RNF170: variants seen among roughly 807,000 people sequenced by gnomAD.
RNF170 encodes E3 ubiquitin-protein ligase RNF170.
In RNF170, 12 loss-of-function variants were observed where a neutral mutation model predicts 32.7. The observed-to-expected ratio is 0.37, with a 90% CI of 0.24 to 0.60. RNF170 has a LOEUF of 0.60. Among genes scored for constraint, RNF170 ranks in the 20% least tolerant of loss-of-function variants. The probability of loss-of-function intolerance (pLI) is 0.72; values close to 1 mark genes in which losing one functional copy is unlikely to be tolerated. For synonymous variants in RNF170, 91 were observed against 103.6 expected (o/e 0.88, Z 0.74); for missense variants, 212 against 311.2 (o/e 0.68, Z 2.40).
At chr8:42,850,133 G>C (rs547756204), downstream of RNF170, 32 of 155,292 alleles carry the variant, frequency 2.1e-4, no homozygotes, top group Non-Finnish European at 3.7e-4. Flanking sequence ...CTGAGGCTGG[G>C]CGTCTTCAGC....
At chr8:42,897,126 G>A (rs562561846), upstream of RNF170, 35 of 1,246,006 alleles carry the variant, frequency 2.8e-5, no homozygotes, top group South Asian at 1.3e-3. Flanking sequence ...GGCCGCGGCG[G>A]GGAAGATGTT....
intron 2 of RNF170, among the ~76,000 whole-genome samples, chr8:42,876,809 G>A (rs763466877): frequency 3.3e-5 from 5 of 151,614 alleles, no homozygotes; most frequent in African/African-American, 4.8e-5. Flanking sequence ...ATAGCTGCAC[G>A]CCACCACACC....
intron 5 of RNF170, among the ~76,000 whole-genome samples, chr8:42,862,468 G>A (rs1347371848): frequency 6.6e-6 from 1 of 152,132 alleles, no homozygotes; most frequent in African/African-American, 2.4e-5. Flanking sequence ...GACCATACTG[G>A]GGTAATCTGA....
chr8:42,861,861 T>A lies in RNF170; in HGVS notation c.397-6A>T. The A allele has an allele frequency of 2.5e-6, 4 of 1,603,024 alleles. No homozygotes were observed. Among genetic ancestry groups the A allele is most frequent in the Non-Finnish European group, 2.6e-6 (3 of 1,176,226 alleles). ...ACTGTTAGGAGTAAGGTTACCTGTATATTACAGAAAAAAAAATTATTTCAA... is the reference window on the plus strand; with the variant it reads ...ACTGTTAGGAGTAAGGTTACCTGTAAATTACAGAAAAAAAAATTATTTCAA... On this transcript the variant is annotated splice_polypyrimidine_tract_variant and splice_region_variant and intron_variant, in intron 5 of 6. Coordinates refer to ENST00000527424, the MANE Select transcript of RNF170 (RefSeq NM_030954.4).
chr8:42,882,920 G>C (rs1022169788), intron 2 of RNF170, among the ~76,000 whole-genome samples: 4 of 152,026 alleles, frequency 2.6e-5, no homozygotes, highest in African/African-American at 7.2e-5. Context: ...AAAAATAGCT[G>C]GCCATGGCGG....
intron 2 of RNF170, among the ~76,000 whole-genome samples, chr8:42,887,512 G>A (rs987498034): frequency 5.3e-5 from 8 of 152,144 alleles, no homozygotes; most frequent in African/African-American, 1.9e-4. Context: ...TATTCAAAAT[G>A]TGGATGATAA....
intron 2 of RNF170, among the ~76,000 whole-genome samples, chr8:42,885,259 CAG>C (rs1378380041): frequency 5.9e-5 from 9 of 152,212 alleles, no homozygotes; most frequent in African/African-American, 1.7e-4. Flanking sequence ...ATTGTGTATA[CAG>C]AGAGATCTAT....
chr8:42,861,452 C>T (rs1347592835), intron 6 of RNF170: 3 of 326,060 alleles, frequency 9.2e-6, no homozygotes, highest in African/African-American at 4.3e-5. Context: ...GTGATCCTCC[C>T]ATTTCAGCCT....
chr8:42,895,090 G>A lies in RNF170; in HGVS notation c.-8+1394C>T, dbSNP rs1056269648. Among the ~76,000 whole-genome samples the A allele has an allele frequency of 5.3e-5, 8 of 152,062 alleles. No individual in the cohort carries two copies. The South Asian group carries it at 8.3e-4, about 16-fold the overall frequency. ...GCACTTTTGGGAGGCTAAGGCGGGC[G>A]GATCACTTGAGCCCAGGAATTTGAG... is the stretch of plus-strand genomic sequence containing the variant. On this transcript the variant is annotated intron_variant, in intron 1 of 6. Coordinates refer to ENST00000527424, the MANE Select transcript of RNF170 (RefSeq NM_030954.4).
chr8:42,869,982 A>G (rs1192577284), intron 4 of RNF170, 22 bp downstream of exon 4: 1 of 1,555,364 alleles, frequency 6.4e-7, no homozygotes. Flanking sequence ...CACTTTTCCC[A>G]AGTATAGCGT....
chr8:42,855,050 CGAAGA>C lies in RNF170; in HGVS notation c.*1104_*1108del. ...CCTATTGGCTTGATGCTCAAAGACA[CGAAGA>C]TTCACCTTCCTCAGAAATGCATCAG... is the stretch of plus-strand genomic sequence containing the variant. On this transcript the variant is annotated 3_prime_UTR_variant, in exon 7 of 7. Coordinates refer to ENST00000527424, the MANE Select transcript of RNF170 (RefSeq NM_030954.4). 7.8e-7 allele frequency: 1 copy of C among 1,287,186 alleles called. No individual in the cohort carries two copies. Among genetic ancestry groups the C allele is most frequent in the Non-Finnish European group, 1.0e-6 (1 of 988,690 alleles). The allele number at this position is 1,287,186 out of a possible 1,614,324, so 79.7% of individuals were successfully genotyped here. A position where few individuals can be genotyped will look rare whatever the true frequency, so the allele number is the denominator to read the frequency against.
chr8:42,896,219 G>A (rs1806836516), intron 1 of RNF170: 4 of 321,630 alleles, frequency 1.2e-5, no homozygotes, highest in South Asian at 9.2e-5. Flanking sequence ...CGACCCTAGA[G>A]GGAGCGGCGG....
At chr8:42,861,539 CA>C (rs1353521906) in intron 6 of RNF170, 1 of 531,928 alleles carries the variant, frequency 1.9e-6, no homozygotes, top group African/African-American at 1.9e-5. Flanking sequence ...GATGGGGTTT[CA>C]TCATGTTTCC....
At chr8:42,885,855 C>G (rs1459245070) in intron 2 of RNF170, among the ~76,000 whole-genome samples, 1 of 152,034 alleles carries the variant, frequency 6.6e-6, no homozygotes, top group Non-Finnish European at 1.5e-5. Flanking sequence ...ACTTCCTAGG[C>G]TTAAGTGATC....
chr8:42,861,902 TG>T (rs778067023), intron 5 of RNF170, 47 bp from the exon 6 acceptor site: 54 of 1,532,218 alleles, frequency 3.5e-5, no homozygotes, highest in Non-Finnish European at 4.4e-5. Context: ...TGCATCATTA[TG>T]TTTTTTTCAT....
chr8:42,851,102 T>C (rs1802929245), downstream of RNF170: 11 of 1,481,816 alleles, frequency 7.4e-6, no homozygotes, highest in Non-Finnish European at 9.0e-6. Flanking sequence ...TCAACCTCAC[T>C]TCATGCCCTC....
In RNF170 at chr8:42,883,044, C is replaced by G. The variant is rs186152344; in HGVS notation, c.137+4684G>C. Among the ~76,000 whole-genome samples, 4 of 151,618 alleles carry G rather than the reference C, an allele frequency of 2.6e-5. No individual in the cohort carries two copies. In the East Asian group the frequency reaches 7.8e-4, roughly 29 times the overall value. ...TGCCACTGCACTCCAGCCTGGGCAC[C>G]AAGAGAGAACCTGTCTCAAGAGAAA... On this transcript the variant is annotated intron_variant, in intron 2 of 6. Transcript: ENST00000527424.
At chr8:42,850,573 A>C (rs1802916411), downstream of RNF170, 1 of 604,112 alleles carries the variant, frequency 1.7e-6, no homozygotes, top group Non-Finnish European at 2.9e-6. Context: ...ACATCTGTGA[A>C]TATCTGGGTG....
chr8:42,884,060 T>C (rs944159036), intron 2 of RNF170, among the ~76,000 whole-genome samples: 2 of 152,154 alleles, frequency 1.3e-5, no homozygotes, highest in African/African-American at 4.8e-5. Context: ...CCACTGCGCC[T>C]GGCAGAATAA....
Sources: gnomAD v4.1 joint callset for allele counts (sites outside exome capture counted in the v4.1 genomes callset) on GRCh38, gnomAD v4.1.1 for gene constraint, MANE v1.5 for transcripts, NCBI Gene and HGNC (gene_info 2026-07-23, HGNC 2026-07-21) for gene names.